MCM9: variants seen among roughly 807,000 people sequenced by gnomAD.
MCM9 encodes minichromosome maintenance 9 homologous recombination repair factor.
Under a neutral mutation model 72.8 loss-of-function variants are expected in MCM9, and 55 were observed. The observed-to-expected ratio is 0.76, with a 90% confidence interval of 0.61 to 0.95. The LOEUF is 0.95. Among genes scored for constraint, MCM9 ranks in the 40% least tolerant of loss-of-function variants. MCM9 has a pLI of 0.00. For synonymous variants in MCM9, 480 were observed against 503.4 expected, an observed-to-expected ratio of 0.95 and a Z score of 0.62; for missense variants, 1,279 against 1,377.0, an observed-to-expected ratio of 0.93 and a Z score of 1.13.
In MCM9 at chr6:118,931,744, G is replaced by GAAA; in HGVS notation, c.-15-9_-15-7dup. 1.5e-5 allele frequency: 20 copies of GAAA among 1,342,064 alleles called. No homozygotes were observed. The highest frequency in any genetic ancestry group is 1.9e-5 in the Non-Finnish European group (19 of 1,011,974). The allele number at this position is 1,342,064 out of a possible 1,614,324, so 83.1% of individuals were successfully genotyped here. ...TTCATCTTGAATCTAGGTAACTAAA[G>GAAA]AAAAAAAAAAGGATCATATTATATA... On this transcript the variant is annotated splice_polypyrimidine_tract_variant and splice_region_variant and intron_variant, in intron 2 of 13. Transcript: ENST00000619706.
chr6:118,834,060 G>A (rs186007743), intron 9 of MCM9, among the ~76,000 whole-genome samples: 95 of 151,416 alleles, frequency 6.3e-4, no homozygotes, highest in African/African-American at 1.9e-3. Flanking sequence ...TCCCCTCCCC[G>A]TGTCCATGTT....
intron 3 of MCM9, among the ~76,000 whole-genome samples, chr6:118,929,691 G>T (rs543064580): frequency 6.6e-6 from 1 of 152,232 alleles, no homozygotes; most frequent in African/African-American, 2.4e-5. Flanking sequence ...AGGAAACATT[G>T]GCCAGACACG....
intron 9 of MCM9, among the ~76,000 whole-genome samples, chr6:118,846,939 C>A (rs777213777): frequency 2.6e-5 from 4 of 151,708 alleles, no homozygotes; most frequent in Non-Finnish European, 5.9e-5. Flanking sequence ...CCCTCATCTC[C>A]CTACCCTGCC....
chr6:118,882,228 C>A (rs1452930856), intron 8 of MCM9, among the ~76,000 whole-genome samples: 1 of 152,178 alleles, frequency 6.6e-6, no homozygotes, highest in Non-Finnish European at 1.5e-5. Context: ...CTACCATTTC[C>A]GCCCCCTGGC....
intron 8 of MCM9, chr6:118,894,010 GC>G: frequency 1.0e-6 from 1 of 986,362 alleles, no homozygotes; most frequent in Middle Eastern, 5.2e-4. Context: ...GGGCCTCCCA[GC>G]CCTTATTCCA....
chr6:118,815,176 C>T lies in MCM9; in HGVS notation c.3080G>A (p.Gly1027Glu). Residue 1027 changes from glycine (G) to glutamate (E), a missense_variant, in exon 14 of 14, where the codon GGG (glycine) becomes GAG (glutamate). Physicochemically the swap from Gly to Glu is moderately conservative, Grantham distance 98. Transcript: ENST00000619706. ...TCCCTCACAAGTAAGATGAGCACAC[C>T]CAGTCTCGTTCCCAAGCTCTAATTC... The part of the protein sequence containing the change: ...QPELELGNET[G>E]CAHLTCEGDK... The T allele has an allele frequency of 1.3e-6, 2 of 1,550,438 alleles. No homozygotes were observed. Among genetic ancestry groups the T allele is most frequent in the Admixed American group, 2.0e-5 (1 of 50,972 alleles).
At chr6:118,865,617 A>C (rs1254097895) in intron 8 of MCM9, among the ~76,000 whole-genome samples, 1 of 152,212 alleles carries the variant, frequency 6.6e-6, no homozygotes, top group Non-Finnish European at 1.5e-5. Context: ...CTGGGGAGCT[A>C]ACAGGGCAAA....
chr6:118,877,700 C>T (rs1778022926), intron 8 of MCM9, among the ~76,000 whole-genome samples: 1 of 152,130 alleles, frequency 6.6e-6, no homozygotes, highest in South Asian at 2.1e-4. Flanking sequence ...TAAGTCTGTT[C>T]CATACAGAGA....
chr6:118,879,703 GT>G (rs781099599), intron 8 of MCM9, among the ~76,000 whole-genome samples: 1 of 150,950 alleles, frequency 6.6e-6, no homozygotes, highest in Non-Finnish European at 1.5e-5. Context: ...TTGATCTAGT[GT>G]TTTAATGTCC....
Position 118,858,843 on chromosome 6 carries a change from T to A in MCM9, c.1151-2298A>T, listed in dbSNP as rs370801869. Among the ~76,000 whole-genome samples, 11 of 152,286 alleles carry A rather than the reference T, an allele frequency of 7.2e-5. No individual in the cohort carries two copies. The East Asian group carries it at 1.7e-3, about 24-fold the overall frequency. On this transcript the variant is annotated intron_variant, in intron 8 of 13. Coordinates refer to ENST00000619706, the MANE Select transcript of MCM9 (RefSeq NM_017696.3). ...AAATTGGAAAACTCTATTTTCAAGA[T>A]GTCAATTCTCCCCAAACTGTTCTGT...
intron 8 of MCM9, among the ~76,000 whole-genome samples, chr6:118,861,008 C>T (rs1338556747): frequency 2.0e-5 from 3 of 152,202 alleles, no homozygotes; most frequent in Non-Finnish European, 2.9e-5. Flanking sequence ...TTGGCTCACA[C>T]TACTACCGGC....
rs146950001 is a variant in MCM9 at position 118,832,787 on chromosome 6, G to A, written c.1326-3537C>T. Among the ~76,000 whole-genome samples, 1,044 of 152,194 alleles carry A rather than the reference G, an allele frequency of 6.9e-3. 5 individuals are homozygous for A. The highest frequency in any genetic ancestry group is 0.014 in the Middle Eastern group (4 of 294). On this transcript the variant is annotated intron_variant, in intron 9 of 13. Transcript: ENST00000619706. ...GAAGGTCTCCCATTACTCCCTTTAC[G>A]GGATGATCCTCATCTTTACTTATGG...
rs1774361029 is a variant in MCM9 at position 118,829,105 on chromosome 6, C to G, written c.1471G>C (p.Asp491His). ...SRFDLILVLL[D>H]TKNEDWDRII... ...CGATCCCAGTCTTCATTCTTGGTATCAAGCAAAACCAGGATCAGGTCAAAT... is the reference window on the plus strand; with the variant it reads ...CGATCCCAGTCTTCATTCTTGGTATGAAGCAAAACCAGGATCAGGTCAAAT... Residue 491 changes from aspartate to histidine, a missense_variant, in exon 10 of 14, where the codon GAT becomes CAT. By Grantham distance (81) the Asp-to-His change is moderately conservative. Transcript: ENST00000619706. 6.4e-7 allele frequency: 1 copy of G among 1,550,608 alleles called. No homozygotes were observed. The highest frequency in any genetic ancestry group is 8.7e-7 in the Non-Finnish European group (1 of 1,147,000).
intron 9 of MCM9, among the ~76,000 whole-genome samples, chr6:118,855,796 C>T (rs1299116168): frequency 6.6e-6 from 1 of 152,152 alleles, no homozygotes; most frequent in Non-Finnish European, 1.5e-5. Context: ...ATTTCAGTGC[C>T]TGTGTGAGAT....
At chr6:118,877,252 C>A (rs1341054074) in intron 8 of MCM9, among the ~76,000 whole-genome samples, 1 of 152,144 alleles carries the variant, frequency 6.6e-6, no homozygotes, top group East Asian at 1.9e-4. Flanking sequence ...GCACATGGAA[C>A]AGAAAAAACC....
Position 118,913,411 on chromosome 6 carries a change from A to G in MCM9, c.914T>C (p.Val305Ala), listed in dbSNP as rs1780701695. 1 of 1,612,298 alleles carries G rather than the reference A, an allele frequency of 6.2e-7. No homozygotes were observed. Among genetic ancestry groups the G allele is most frequent in the South Asian group, 1.1e-5 (1 of 90,536 alleles). ...TTGAGGGCACAAGCTAGCCAATATT[A>G]CATTCCTTCCTAGGAAAAGCAGAAA... is the stretch of plus-strand genomic sequence containing the variant. ...YKSDPFAGRNVILASLCPQVF... is the reference protein window; with the variant it reads ...YKSDPFAGRNAILASLCPQVF... Residue 305 changes from valine to alanine, a missense_variant, in exon 7 of 14, where the codon GTA (valine) becomes GCA (alanine). Coordinates refer to ENST00000619706, the MANE Select transcript of MCM9 (RefSeq NM_017696.3).
chr6:118,822,076 C>G (rs908535427), intron 13 of MCM9, among the ~76,000 whole-genome samples: 2 of 152,104 alleles, frequency 1.3e-5, no homozygotes, highest in Non-Finnish European at 2.9e-5. Context: ...GAACATGCTC[C>G]TTTAGCTTGG....
At chr6:118,829,360 C>T (rs1774379753) in intron 9 of MCM9, 110 bp from the exon 10 acceptor site, 2 of 963,946 alleles carry the variant, frequency 2.1e-6, no homozygotes, top group African/African-American at 3.3e-5. Flanking sequence ...CTACGAACTC[C>T]TATGAAAGAA....
chr6:118,883,473 C>T (rs888846934), intron 8 of MCM9, among the ~76,000 whole-genome samples: 4 of 151,548 alleles, frequency 2.6e-5, no homozygotes, highest in Non-Finnish European at 4.4e-5. Context: ...ATGGACTATA[C>T]ATTCAAGAAG....
Sources: allele counts gnomAD v4.1 joint callset (sites outside exome capture counted in the v4.1 genomes callset), GRCh38; gene constraint gnomAD v4.1.1; transcripts MANE v1.5; gene names NCBI Gene and HGNC (gene_info 2026-07-23, HGNC 2026-07-21).